Variants in CFAP410 observed in about 807,000 individuals in gnomAD.
CFAP410 encodes cilia- and flagella-associated protein 410.
A neutral mutation model predicts 25.7 loss-of-function variants in CFAP410; 27 were observed. That is an observed-to-expected ratio of 1.05 (90% CI 0.77 to 1.45). The LOEUF (loss-of-function observed/expected upper bound fraction) is 1.45. CFAP410 is among the 40% of genes most tolerant of loss of function. The pLI is 0.00. For synonymous variants in CFAP410, 178 were observed against 158.4 expected (o/e 1.12, Z -0.93); for missense variants, 428 against 354.1 (o/e 1.21, Z -1.67).
Position 44,339,244 on chromosome 21 carries a change from G to T in CFAP410, c.-50C>A. On this transcript the variant is annotated 5_prime_UTR_variant, in exon 1 of 7. Coordinates refer to ENST00000339818, the MANE Select transcript of CFAP410 (RefSeq NM_004928.3). Reference sequence around the variant, plus strand: ...GGGCGCCCCCGGCCTCCTGATCCCGGGCGGGTGACGACTGCGCGGCGCGTG... The same window carrying T: ...GGGCGCCCCCGGCCTCCTGATCCCGTGCGGGTGACGACTGCGCGGCGCGTG... 8.1e-7 allele frequency: 1 copy of T among 1,239,630 alleles called. No individual in the cohort carries two copies. Among genetic ancestry groups the T allele is most frequent in the Non-Finnish European group, 1.1e-6 (1 of 933,898 alleles). The allele number at this position is 1,239,630 out of a possible 1,614,324, so 76.8% of individuals were successfully genotyped here.
At chr21:44,333,930 C>G (rs921223358) in intron 3 of CFAP410, 3 of 360,216 alleles carry the variant, frequency 8.3e-6, no homozygotes, top group African/African-American at 6.4e-5. Context: ...GTCCGGCAGG[C>G]GCCTCAGAAG....
chr21:44,333,146 G>A lies in CFAP410; in HGVS notation c.260C>T (p.Pro87Leu), dbSNP rs553278564. The A allele has an allele frequency of 3.7e-5, 59 of 1,612,374 alleles. No homozygotes were observed. The South Asian group carries it at 5.1e-4, about 14-fold the overall frequency. ...LAELFYLKGL[P>L]RLRVLWLAEN... is the part of the protein sequence containing the mutation. ...GGCCAGCCACAGCACCCGCAGACGC[G>A]GCAGCCCCTTCAGGTAGAAGAGCTC... The change falls in exon 4 of 7, where the codon CCG (proline) becomes CTG (leucine). Residue 87 changes from proline (P) to leucine (L), a missense_variant. Pro to Leu is a moderately conservative substitution (Grantham distance 98, BLOSUM62 -3). Coordinates refer to ENST00000339818, the MANE Select transcript of CFAP410 (RefSeq NM_004928.3).
Position 44,329,500 on chromosome 21 carries a change from C to T in CFAP410, c.*698G>A, listed in dbSNP as rs915604575. 1 of 152,268 alleles carries T rather than the reference C, an allele frequency of 6.6e-6. No homozygotes were observed. The highest frequency in any genetic ancestry group is 1.9e-4 in the East Asian group (1 of 5,196). 9.4% of individuals were successfully genotyped at this position (152,268 alleles called of 1,614,324 possible). A position where few individuals can be genotyped will look rare whatever the true frequency, so the allele number is the denominator to read the frequency against. On this transcript the variant is annotated 3_prime_UTR_variant, in exon 7 of 7. Coordinates refer to ENST00000339818, the MANE Select transcript of CFAP410 (RefSeq NM_004928.3). ...GAAAGAAAACCCCTCTCAGATGCTC[C>T]AAGGACTCCCCTAGTCTAGCTGCTT...
At chr21:44,335,951 G>T in intron 2 of CFAP410, 147 bp from the exon 3 acceptor site, 1 of 639,950 alleles carries the variant, frequency 1.6e-6, no homozygotes, top group Non-Finnish European at 2.8e-6. Flanking sequence ...TGTGCCCAGG[G>T]TGAATGCCCA....
At chr21:44,338,310 C>G (rs2047792807) in intron 1 of CFAP410, 2 of 1,289,260 alleles carry the variant, frequency 1.6e-6, no homozygotes, top group African/African-American at 3.0e-5. Context: ...ACGGTGAGGC[C>G]AGTTGACACG....
Position 44,339,137 on chromosome 21 carries a change from C to G in CFAP410, c.58G>C (p.Val20Leu). The G allele has an allele frequency of 6.8e-7, 1 of 1,465,132 alleles. No homozygotes were observed. Among genetic ancestry groups the G allele is most frequent in the Non-Finnish European group, 9.1e-7 (1 of 1,103,544 alleles). 90.8% of individuals were successfully genotyped at this position (1,465,132 alleles called of 1,614,324 possible). Reference sequence around the variant, plus strand: ...CCTCACCAGCAGTTGAGCTTGCGCACGCTGTGCAGCTCCGAGGCCTTGGCC... The same window carrying G: ...CCTCACCAGCAGTTGAGCTTGCGCAGGCTGTGCAGCTCCGAGGCCTTGGCC... Reference protein sequence around the residue: ...TRAKASELHSVRKLNCWGSRL... With the variant: ...TRAKASELHSLRKLNCWGSRL... The change falls in exon 1 of 7, where the codon GTG (valine) becomes CTG (leucine). Residue 20 changes from valine to leucine, a missense_variant. Val to Leu is a conservative substitution (Grantham distance 32). Coordinates refer to ENST00000339818, the MANE Select transcript of CFAP410 (RefSeq NM_004928.3).
In CFAP410 at chr21:44,339,247, G is replaced by A. The variant is rs1179882424; in HGVS notation, c.-53C>T. The A allele has an allele frequency of 1.7e-6, 2 of 1,191,864 alleles. No individual in the cohort carries two copies. Among genetic ancestry groups the A allele is most frequent in the South Asian group, 1.8e-5 (1 of 55,264 alleles). The allele number at this position is 1,191,864 out of a possible 1,614,324, so 73.8% of individuals were successfully genotyped here. ...CGCCCCCGGCCTCCTGATCCCGGGC[G>A]GGTGACGACTGCGCGGCGCGTGTCT... On this transcript the variant is annotated 5_prime_UTR_variant, in exon 1 of 7. Transcript: ENST00000339818.
intron 3 of CFAP410, 152 bp downstream of exon 3, chr21:44,335,606 C>T (rs1004890103): frequency 3.4e-5 from 22 of 649,718 alleles, no homozygotes; most frequent in South Asian, 5.6e-5. Flanking sequence ...GCCCAGCTCT[C>T]GCTGTCCCGG....
chr21:44,337,695 A>C, intron 1 of CFAP410, 28 bp from the exon 2 acceptor site: 1 of 1,602,864 alleles, frequency 6.2e-7, no homozygotes, highest in Admixed American at 1.7e-5. Flanking sequence ...ACATACTTTA[A>C]TTTTGTTAAA....
At chr21:44,337,621 A>G in intron 2 of CFAP410, 28 bp downstream of exon 2, 2 of 1,607,324 alleles carry the variant, frequency 1.2e-6, no homozygotes, top group Non-Finnish European at 1.7e-6. Flanking sequence ...GATCAGTGCA[A>G]TACTTACATC....
Position 44,337,687 on chromosome 21 carries a change from A to C in CFAP410, c.78-20T>G, listed in dbSNP as rs2047781819. 6.2e-7 allele frequency: 1 copy of C among 1,606,612 alleles called. No homozygotes were observed. On this transcript the variant is annotated intron_variant, in intron 1 of 6. Transcript: ENST00000339818. ...CTGCCCCTGGGGAGAGAAAAGATAC[A>C]TACTTTAATTTTGTTAAAGTTGAAT...
chr21:44,330,165 C>T lies in CFAP410; in HGVS notation c.*33G>A, dbSNP rs9306098. 3.9e-3 allele frequency: 6,067 copies of T among 1,542,758 alleles called. 187 individuals carry two copies. The African/African-American group carries it at 0.069, about 18-fold the overall frequency. The stretch of plus-strand genomic sequence containing the variant: ...GGGCTGGGGAAGACGCTGGGGTCCC[C>T]GTGGAGGCTGGAGCGGCGTTCAGGT... On this transcript the variant is annotated 3_prime_UTR_variant, in exon 7 of 7. Coordinates refer to ENST00000339818, the MANE Select transcript of CFAP410 (RefSeq NM_004928.3).
intron 5 of CFAP410, chr21:44,331,179 C>A: frequency 1.8e-6 from 1 of 548,360 alleles, no homozygotes; most frequent in Non-Finnish European, 3.2e-6. Flanking sequence ...ACCTTCCACC[C>A]AGGGCTTCAG....
At chr21:44,338,342 C>T (rs1602091400) in intron 1 of CFAP410, 1 of 1,285,960 alleles carries the variant, frequency 7.8e-7, no homozygotes, top group Non-Finnish European at 1.0e-6. Flanking sequence ...CTGCTGAGTC[C>T]CCAGGGAACC....
chr21:44,338,262 G>A (rs917218856), intron 1 of CFAP410: 2 of 1,282,408 alleles, frequency 1.6e-6, no homozygotes, highest in African/African-American at 1.5e-5. Flanking sequence ...ACCCCTGGGA[G>A]GAAGCGTCTG....
intron 1 of CFAP410, chr21:44,338,621 C>A (rs895491285): frequency 1.1e-5 from 2 of 189,830 alleles, no homozygotes; most frequent in Non-Finnish European, 2.3e-5. Flanking sequence ...AGACAACAGA[C>A]CCAGCCCACA....
chr21:44,335,477 C>T (rs2236441), intron 3 of CFAP410: 112,024 of 510,940 alleles, frequency 0.22, 13,436 homozygotes, highest in East Asian at 0.39. Flanking sequence ...AATGGCTTAT[C>T]GGAGCACACA....
rs1466500162 is a variant in CFAP410, at chr21:44,333,107, C to T, written c.299G>A (p.Cys100Tyr). The stretch of plus-strand genomic sequence containing the variant: ...GCGGTAGCGGTGGGGGCTGGTGCCG[C>T]AGCACGGGTTCTCGGCCAGCCACAG... ...RVLWLAENPC[C>Y]GTSPHRYRMT... Residue 100 changes from cysteine to tyrosine, a missense_variant, in exon 4 of 7, where the codon TGC becomes TAC. By Grantham distance (194) the Cys-to-Tyr change is radical. Transcript: ENST00000339818. The T allele has an allele frequency of 1.4e-5, 22 of 1,610,190 alleles. No individual in the cohort carries two copies. The Admixed American group carries it at 3.7e-4, about 27-fold the overall frequency.
At chr21:44,338,372 C>T (rs1348391119) in intron 1 of CFAP410, 2 of 1,173,236 alleles carry the variant, frequency 1.7e-6, no homozygotes, top group Non-Finnish European at 2.3e-6. Flanking sequence ...TTGCAGGCCT[C>T]AACTCCAGGC....
Sources: allele counts gnomAD v4.1 joint callset, GRCh38; gene constraint gnomAD v4.1.1; transcripts MANE v1.5; gene names NCBI Gene and HGNC (gene_info 2026-07-23, HGNC 2026-07-21).